The following PHACTR2 variants were observed in gnomAD, a reference collection of about 807,000 sequenced individuals.
PHACTR2 encodes the protein phosphatase and actin regulator 2, also known as chromosome 6 open reading frame 56.
PHACTR2 carries 30 observed loss-of-function variants against 76.0 expected under a neutral mutation model. That is an observed-to-expected ratio of 0.39 (90% CI 0.30 to 0.54). The LOEUF (loss-of-function observed/expected upper bound fraction) is 0.54. Among genes scored for constraint, PHACTR2 ranks in the 20% least tolerant of loss-of-function variants. The probability of loss-of-function intolerance (pLI) is 0.61; values close to 1 mark genes in which losing one functional copy is unlikely to be tolerated. For missense variants in PHACTR2, 696 were observed against 781.1 expected (o/e 0.89, Z 1.30); for synonymous variants, 292 against 292.5 (o/e 1.00, Z 0.02).
At position 143,751,844 on chromosome 6, in the gene PHACTR2, T is replaced by C. The variant is rs1395744052; in HGVS notation, c.296-1910T>C. 6.9e-6 allele frequency among the ~76,000 whole-genome samples: 1 copy of C among 145,870 alleles called. No individual in the cohort carries two copies. The highest frequency in any genetic ancestry group is 2.5e-5 in the African/African-American group (1 of 40,366). ...CACACACTATATCAAGGATTTAACT[T>C]ATTTTAATTCTAAAACAACTTCCTT... On this transcript the variant is annotated intron_variant, in intron 3 of 12. Transcript: ENST00000440869. The surrounding 1 kb of genome is among the most constrained non-coding windows in gnomAD (Gnocchi z 5.7).
chr6:143,714,930 A>G (rs1340748148), intron 2 of PHACTR2, among the ~76,000 whole-genome samples: 3 of 152,072 alleles, frequency 2.0e-5, no homozygotes, highest in Non-Finnish European at 4.4e-5. Flanking sequence ...ATATGCTTGT[A>G]TCTCCCCAAA....
At position 143,623,423 on chromosome 6, in the gene PHACTR2, A is replaced by G. The variant is rs1237718160; in HGVS notation, c.13+15101A>G. Among the ~76,000 whole-genome samples the G allele has an allele frequency of 6.6e-6, 1 of 152,092 alleles. No individual in the cohort carries two copies. The highest frequency in any genetic ancestry group is 1.5e-5 in the Non-Finnish European group (1 of 68,016). On this transcript the variant is annotated intron_variant, in intron 1 of 11. Coordinates refer to the PHACTR2 transcript ENST00000305766. The surrounding 1 kb of genome is among the most constrained non-coding windows in gnomAD (Gnocchi z 5.9). The stretch of plus-strand genomic sequence containing the variant: ...AACCCTGTCTCTACTAAATATACAA[A>G]AATTAGCCGGGCATGGTGGTGCATG...
rs183972159 is a variant in PHACTR2, at chr6:143,709,215, T to C, written c.47-2801T>C. Among the ~76,000 whole-genome samples, 63 of 152,352 alleles carry C rather than the reference T, an allele frequency of 4.1e-4. No homozygotes were observed. Among genetic ancestry groups the C allele is most frequent in the Admixed American group, 4.1e-3 (63 of 15,306 alleles). On this transcript the variant is annotated intron_variant, in intron 1 of 12. Transcript: ENST00000440869. This position sits in a 1 kb window ranked among gnomAD's most constrained non-coding sequence, Gnocchi z 4.4. ...CCCTGTATCTCTATCTGTTGTGCTA[T>C]GGCTGAAAGTAGGGTTAGGAACCAC...
chr6:143,635,988 A>C (rs1776445208), intron 1 of PHACTR2, among the ~76,000 whole-genome samples: 1 of 152,192 alleles, frequency 6.6e-6, no homozygotes, highest in Non-Finnish European at 1.5e-5. Context: ...TGGGCAGATC[A>C]CTTGAGGCCA....
chr6:143,630,294 T>TA (rs1776341102), intron 1 of PHACTR2, among the ~76,000 whole-genome samples: 1 of 129,896 alleles, frequency 7.7e-6, no homozygotes, highest in African/African-American at 2.6e-5. Context: ...AAAGCTATAG[T>TA]AAGGCATATT....
In PHACTR2 at chr6:143,760,511, G is replaced by A. The variant is rs574307748; in HGVS notation, c.565G>A (p.Gly189Arg). 2.0e-5 allele frequency: 32 copies of A among 1,613,972 alleles called. No individual in the cohort carries two copies. The highest frequency in any genetic ancestry group is 1.5e-4 in the South Asian group (14 of 91,078). The change falls in exon 5 of 13, where the codon GGG becomes AGG. Residue 189 changes from glycine (G) to arginine (R), a missense_variant. Around this residue, in one of 2 missense-constraint regions of PHACTR2, gnomAD observed 460 missense variants for 450.9 expected, o/e 1.02. Coordinates refer to ENST00000440869, the MANE Select transcript of PHACTR2 (RefSeq NM_001100164.2). The surrounding 1 kb of genome is among the most constrained non-coding windows in gnomAD (Gnocchi z 6.4). ...CAAAAAATCACCTGTGCCTCCGAAA[G>A]GGGCCACTGCTGGGGCCAGCCACAA... The part of the protein sequence containing the change: ...KPKKSPVPPK[G>R]ATAGASHKGD...
At chr6:143,559,118 G>C (rs1775224378) in intron 1 of PHACTR2, among the ~76,000 whole-genome samples, 1 of 152,168 alleles carries the variant, frequency 6.6e-6, no homozygotes, top group Non-Finnish European at 1.5e-5. Context: ...AGATTTCCTG[G>C]AATGAGATCA....
At position 143,539,244 on chromosome 6, in the gene PHACTR2, AG is replaced by A. The variant is rs1781150367; in HGVS notation, c.217+2039del. Reference sequence around the variant, plus strand: ...TTTCTGTGTCCTCTTAACGGATGCTAGGAAGTGAAACCTTTCAGCTCAGTTG... The same window carrying A: ...TTTCTGTGTCCTCTTAACGGATGCTAGAAGTGAAACCTTTCAGCTCAGTTG... On this transcript the variant is annotated intron_variant, in intron 1 of 11. Transcript: ENST00000367584. The surrounding 1 kb of genome is among the most constrained non-coding windows in gnomAD (Gnocchi z 4.3). Among the ~76,000 whole-genome samples the A allele has an allele frequency of 6.6e-6, 1 of 152,230 alleles. No individual in the cohort carries two copies. Among genetic ancestry groups the A allele is most frequent in the East Asian group, 1.9e-4 (1 of 5,202 alleles).
chr6:143,563,470 T>C (rs900250511), intron 1 of PHACTR2, among the ~76,000 whole-genome samples: 2 of 148,058 alleles, frequency 1.4e-5, no homozygotes, highest in Non-Finnish European at 3.0e-5. Flanking sequence ...GCAGGAGAAT[T>C]ATTTGAACCC....
rs1263364494 is a variant in PHACTR2 at position 143,825,837 on chromosome 6, T to G, written c.*2148T>G. ...AAGTATGTTATTGAAAGTTTCTATTTGGTTGATAAAAGGAACAATTTTTTC... is the reference window on the plus strand; with the variant it reads ...AAGTATGTTATTGAAAGTTTCTATTGGGTTGATAAAAGGAACAATTTTTTC... On this transcript the variant is annotated 3_prime_UTR_variant, in exon 13 of 13. Coordinates refer to ENST00000440869, the MANE Select transcript of PHACTR2 (RefSeq NM_001100164.2). The surrounding 1 kb of genome is among the most constrained non-coding windows in gnomAD (Gnocchi z 4.1). The G allele has an allele frequency of 1.3e-5, 2 of 152,150 alleles. No homozygotes were observed. Among genetic ancestry groups the G allele is most frequent in the South Asian group, 2.1e-4 (1 of 4,828 alleles). The allele number at this position is 152,150 out of a possible 1,614,324, so 9.4% of individuals were successfully genotyped here.
chr6:143,734,379 A>G (rs762381619), intron 2 of PHACTR2, among the ~76,000 whole-genome samples: 1 of 152,110 alleles, frequency 6.6e-6, no homozygotes, highest in Non-Finnish European at 1.5e-5. Flanking sequence ...AAAAAGTGGG[A>G]TATTGTGTTT....
intron 2 of PHACTR2, among the ~76,000 whole-genome samples, chr6:143,720,406 A>G (rs1349773507): frequency 6.6e-6 from 1 of 152,156 alleles, no homozygotes; most frequent in Non-Finnish European, 1.5e-5. Flanking sequence ...AAATCGGGAA[A>G]TGTTCCTGGG....
intron 1 of PHACTR2, among the ~76,000 whole-genome samples, chr6:143,637,021 T>TTC (rs1776466945): frequency 6.6e-6 from 1 of 152,214 alleles, no homozygotes; most frequent in South Asian, 2.1e-4. Flanking sequence ...TCAATCCAGA[T>TTC]TCTCAACACG....
intron 1 of PHACTR2, among the ~76,000 whole-genome samples, chr6:143,703,156 T>TAAAAAAAAAA (rs57738495): frequency 1.1e-5 from 1 of 91,150 alleles, no homozygotes; most frequent in Non-Finnish European, 2.1e-5. Flanking sequence ...AAAAAATTAC[T>TAAAAAAAAAA]AAAAAAAAAA....
Position 143,689,817 on chromosome 6 carries a change from C to A in PHACTR2, c.46+11608C>A, listed in dbSNP as rs1245205479. Reference sequence around the variant, plus strand: ...AAGTGATTCTCCTGCCTCAGCCTCCCGATTAGCTGGGATTACAGGCACCTG... The same window carrying A: ...AAGTGATTCTCCTGCCTCAGCCTCCAGATTAGCTGGGATTACAGGCACCTG... On this transcript the variant is annotated intron_variant, in intron 1 of 12. Coordinates refer to ENST00000440869, the MANE Select transcript of PHACTR2 (RefSeq NM_001100164.2). This position sits in a 1 kb window ranked among gnomAD's most constrained non-coding sequence, Gnocchi z 4.4. Among the ~76,000 whole-genome samples the A allele has an allele frequency of 1.3e-5, 2 of 151,870 alleles. No homozygotes were observed. The highest frequency in any genetic ancestry group is 4.2e-4 in the South Asian group (2 of 4,804).
rs115941397 is a variant in PHACTR2 at position 143,615,073 on chromosome 6, C to T, written c.13+6751C>T. Among the ~76,000 whole-genome samples the T allele has an allele frequency of 4.7e-3, 715 of 152,196 alleles. 10 individuals are homozygous for T. The highest frequency in any genetic ancestry group is 0.015 in the African/African-American group (622 of 41,510). On this transcript the variant is annotated intron_variant, in intron 1 of 11. Coordinates refer to the PHACTR2 transcript ENST00000305766. ...TACTTTTTTGAGTGTCCATTATGTC[C>T]TAGGCATCAAGTTAGGTATTTTACA...
chr6:143,667,871 T>C (rs1305177114), intron 1 of PHACTR2, among the ~76,000 whole-genome samples: 2 of 152,234 alleles, frequency 1.3e-5, no homozygotes, highest in East Asian at 1.9e-4. Context: ...ATACGCTTTA[T>C]TTCTTTCTCT....
rs1180815560 is a variant in PHACTR2, at chr6:143,731,141, GAT to G, written c.215-17843_215-17842del. Among the ~76,000 whole-genome samples the G allele has an allele frequency of 6.6e-6, 1 of 152,158 alleles. No homozygotes were observed. The highest frequency in any genetic ancestry group is 1.9e-4 in the East Asian group (1 of 5,198). The stretch of plus-strand genomic sequence containing the variant: ...GAGTATTTATTATGAATAGATATTG[GAT>G]TTCTCAAACGCATTTTTCTGGATCA... On this transcript the variant is annotated intron_variant, in intron 2 of 12. Coordinates refer to ENST00000440869, the MANE Select transcript of PHACTR2 (RefSeq NM_001100164.2). This position sits in a 1 kb window ranked among gnomAD's most constrained non-coding sequence, Gnocchi z 4.9.
intron 1 of PHACTR2, among the ~76,000 whole-genome samples, chr6:143,587,318 A>T (rs1329338492): frequency 6.6e-6 from 1 of 152,228 alleles, no homozygotes; most frequent in Admixed American, 6.5e-5. Context: ...TAGACATAGG[A>T]ATGCTACGTT....
Sources: allele counts gnomAD v4.1 joint callset (sites outside exome capture counted in the v4.1 genomes callset), GRCh38; gene constraint gnomAD v4.1.1; regional missense constraint gnomAD v4.1.1; non-coding constraint Gnocchi (gnomAD v3.1); transcripts MANE v1.5; gene names NCBI Gene and HGNC (gene_info 2026-07-23, HGNC 2026-07-21).